SMCHD1: variants seen among roughly 807,000 people sequenced by gnomAD.
SMCHD1 encodes structural maintenance of chromosomes flexible hinge domain-containing protein 1.
SMCHD1 carries 78 observed loss-of-function variants against 254.7 expected under a neutral mutation model. The observed-to-expected ratio is 0.31, with a 90% confidence interval of 0.26 to 0.37. The LOEUF is 0.37. SMCHD1 is among the 10% of genes least tolerant of loss of function. The probability of loss-of-function intolerance (pLI) is 1.00; values close to 1 mark genes in which losing one functional copy is unlikely to be tolerated. For synonymous variants in SMCHD1, 766 were observed against 794.9 expected (o/e 0.96, Z 0.61); for missense variants, 1,840 against 2,408.1 (o/e 0.76, Z 4.94).
intron 34 of SMCHD1, among the ~76,000 whole-genome samples, chr18:2,756,855 G>A (rs1174431896): frequency 1.3e-5 from 2 of 152,030 alleles, no homozygotes; most frequent in East Asian, 1.9e-4. Flanking sequence ...TGTTCATACC[G>A]TTCTGTTTAT....
At position 2,740,798 on chromosome 18, in the gene SMCHD1, T is replaced by C. The variant is rs1232746002; in HGVS notation, c.3610T>C (p.Ser1204Pro). 5 of 1,606,930 alleles carry C rather than the reference T, an allele frequency of 3.1e-6. No individual in the cohort carries two copies. Among genetic ancestry groups the C allele is most frequent in the Non-Finnish European group, 4.3e-6 (5 of 1,175,618 alleles). Residue 1204 changes from serine (S) to proline (P), a missense_variant, in exon 28 of 48, where the codon TCA becomes CCA. Ser to Pro is a moderately conservative substitution (Grantham distance 74). This residue lies in a region of SMCHD1 where 881 missense variants were observed against 1,009.5 expected (regional missense o/e 0.87). Coordinates refer to ENST00000320876, the MANE Select transcript of SMCHD1 (RefSeq NM_015295.3). ...AATTGCTGGGGTTGGACTTGATAGC[T>C]CAAATTTGAAAACAACCTTTCAGGT... ...LSIAGVGLDS[S>P]NLKTTFQENT...
chr18:2,765,458 C>T (rs938820930), intron 37 of SMCHD1, among the ~76,000 whole-genome samples: 2 of 152,126 alleles, frequency 1.3e-5, no homozygotes, highest in East Asian at 1.9e-4. Flanking sequence ...TAGGCTTATA[C>T]GGTAGGAGCC....
chr18:2,674,009 T>G lies in SMCHD1; in HGVS notation c.508-6T>G. 1.3e-6 allele frequency: 2 copies of G among 1,574,482 alleles called. No individual in the cohort carries two copies. The highest frequency in any genetic ancestry group is 1.7e-6 in the Non-Finnish European group (2 of 1,160,856). Reference sequence around the variant, plus strand: ...CCTGTCTTTTTGAACTTATTTTGTTTCATAGCTTTTTGATGAAACACAAGG... The same window carrying G: ...CCTGTCTTTTTGAACTTATTTTGTTGCATAGCTTTTTGATGAAACACAAGG... On this transcript the variant is annotated splice_polypyrimidine_tract_variant and splice_region_variant and intron_variant, in intron 4 of 47. Coordinates refer to ENST00000320876, the MANE Select transcript of SMCHD1 (RefSeq NM_015295.3).
chr18:2,681,468 C>G (rs1185712832), intron 5 of SMCHD1, among the ~76,000 whole-genome samples: 1 of 150,622 alleles, frequency 6.6e-6, no homozygotes, highest in African/African-American at 2.4e-5. Flanking sequence ...ACCTTTAGCC[C>G]CAGCTTCTCA....
intron 21 of SMCHD1, among the ~76,000 whole-genome samples, chr18:2,725,991 CTT>C (rs201203427): frequency 5.9e-5 from 9 of 151,570 alleles, no homozygotes; most frequent in Admixed American, 2.0e-4. Context: ...AAACCGTGGA[CTT>C]TTTTTTACTT....
chr18:2,790,791 G>A (rs1362166122), intron 45 of SMCHD1, among the ~76,000 whole-genome samples: 1 of 152,080 alleles, frequency 6.6e-6, no homozygotes, highest in East Asian at 1.9e-4. Flanking sequence ...ACAGGTAGAA[G>A]AAAATAATTC....
Position 2,750,345 on chromosome 18 carries a change from G to T in SMCHD1, c.4008-5G>T, listed in dbSNP as rs772571298. ...TTGAACCCCTCTCCTCTTTTGTTTT[G>T]TTAGGGGAGAGCATACTCTTCAGGT... On this transcript the variant is annotated splice_polypyrimidine_tract_variant and splice_region_variant and intron_variant, in intron 31 of 47. Coordinates refer to ENST00000320876, the MANE Select transcript of SMCHD1 (RefSeq NM_015295.3). The T allele has an allele frequency of 6.2e-7, 1 of 1,602,576 alleles. No homozygotes were observed. The highest frequency in any genetic ancestry group is 8.5e-7 in the Non-Finnish European group (1 of 1,175,670).
intron 3 of SMCHD1, among the ~76,000 whole-genome samples, chr18:2,669,020 GCATACCAC>G (rs1365919713): frequency 6.6e-6 from 1 of 150,376 alleles, no homozygotes; most frequent in African/African-American, 2.4e-5. Flanking sequence ...GACTACAAGT[GCATACCAC>G]CATGCCCAGC....
intron 37 of SMCHD1, among the ~76,000 whole-genome samples, chr18:2,768,479 C>T (rs1478597811): frequency 6.6e-6 from 1 of 151,942 alleles, no homozygotes; most frequent in East Asian, 1.9e-4. Flanking sequence ...TTATACTTCT[C>T]ATTATTCATC....
At chr18:2,711,788 T>A (rs982828251) in intron 17 of SMCHD1, among the ~76,000 whole-genome samples, 15 of 152,304 alleles carry the variant, frequency 9.8e-5, no homozygotes, top group African/African-American at 3.1e-4. Context: ...GGCCTGGATG[T>A]TTGTCTTGAT....
At chr18:2,716,613 T>C (rs72864615) in intron 17 of SMCHD1, among the ~76,000 whole-genome samples, 29,540 of 152,136 alleles carry the variant, frequency 0.19, 3,112 homozygotes, top group South Asian at 0.27. Flanking sequence ...CACCAGCCCT[T>C]GCAGGGGTTG....
Position 2,656,093 on chromosome 18 carries a change from C to T in SMCHD1, c.18C>T (p.Gly6=). 3 of 1,404,816 alleles carry T rather than the reference C, an allele frequency of 2.1e-6. No individual in the cohort carries two copies. The highest frequency in any genetic ancestry group is 2.9e-5 in the East Asian group (1 of 34,984). The allele number at this position is 1,404,816 out of a possible 1,614,324, so 87.0% of individuals were successfully genotyped here. The change falls in exon 1 of 48, where the codon GGC becomes GGT. Residue 6 remains glycine, a synonymous_variant. Transcript: ENST00000320876. ...TCCCCAATATGGCAGCGGCGGACGGCGGCGGGCCTGGTGGGGCCTCTGTGG... is the reference window on the plus strand; with the variant it reads ...TCCCCAATATGGCAGCGGCGGACGGTGGCGGGCCTGGTGGGGCCTCTGTGG... MAAAD[G]GGPGGASVGT...
chr18:2,763,632 T>C lies in SMCHD1; in HGVS notation c.4567-5T>C, dbSNP rs1339552239. The C allele has an allele frequency of 6.4e-7, 1 of 1,555,674 alleles. No homozygotes were observed. The highest frequency in any genetic ancestry group is 2.3e-5 in the Admixed American group (1 of 43,930). ...CTCTAATTGTTTTCCATTTTTTGTTTTAAGGATGACTACGACAACCATACT... is the reference window on the plus strand; with the variant it reads ...CTCTAATTGTTTTCCATTTTTTGTTCTAAGGATGACTACGACAACCATACT... On this transcript the variant is annotated splice_region_variant and splice_polypyrimidine_tract_variant and intron_variant, in intron 36 of 47. Transcript: ENST00000320876.
At chr18:2,725,811 C>A (rs973213144) in intron 21 of SMCHD1, among the ~76,000 whole-genome samples, 1 of 151,600 alleles carries the variant, frequency 6.6e-6, no homozygotes, top group Admixed American at 6.6e-5. Flanking sequence ...GATAAACTTA[C>A]TAAAAATTTC....
intron 17 of SMCHD1, among the ~76,000 whole-genome samples, chr18:2,708,236 C>T (rs1185683852): frequency 6.6e-6 from 1 of 152,046 alleles, no homozygotes; most frequent in Non-Finnish European, 1.5e-5. Context: ...CTAATAATTA[C>T]AGTAATAATT....
chr18:2,674,675 TTA>T (rs1364305818), intron 5 of SMCHD1, among the ~76,000 whole-genome samples: 1 of 152,156 alleles, frequency 6.6e-6, no homozygotes, highest in East Asian at 1.9e-4. Context: ...TAAAAAAGAT[TTA>T]GATTCTTGAG....
intron 36 of SMCHD1, among the ~76,000 whole-genome samples, chr18:2,762,492 C>CTTTTTTTTTTT (rs10708453): frequency 1.6e-5 from 2 of 126,838 alleles, no homozygotes; most frequent in Admixed American, 1.7e-4. Flanking sequence ...ATCTGCCTAC[C>CTTTTTTTTTTT]TTTTTTTTTT....
intron 30 of SMCHD1, among the ~76,000 whole-genome samples, chr18:2,748,655 A>C (rs944587629): frequency 2.6e-5 from 4 of 151,988 alleles, no homozygotes; most frequent in African/African-American, 7.2e-5. Flanking sequence ...TTGGTCTCCC[A>C]AAGTGCTGGG....
intron 7 of SMCHD1, among the ~76,000 whole-genome samples, chr18:2,692,608 C>T (rs1237215397): frequency 6.6e-6 from 1 of 152,192 alleles, no homozygotes; most frequent in African/African-American, 2.4e-5. Context: ...AGCCATCCCG[C>T]TTCATCTTTT....
Sources: gnomAD v4.1 joint callset for allele counts (sites outside exome capture counted in the v4.1 genomes callset) on GRCh38, gnomAD v4.1.1 for gene constraint, gnomAD v4.1.1 regional missense constraint, MANE v1.5 for transcripts, NCBI Gene and HGNC (gene_info 2026-07-23, HGNC 2026-07-21) for gene names.